Variants in DLC1 observed in about 807,000 individuals in gnomAD.
DLC1 encodes rho GTPase-activating protein 7.
Under a neutral mutation model 140.3 loss-of-function variants are expected in DLC1, and 54 were observed. The observed-to-expected ratio is 0.38, with a 90% CI of 0.31 to 0.48. The LOEUF (loss-of-function observed/expected upper bound fraction) is 0.48. DLC1 is among the 20% of genes least tolerant of loss of function. The pLI is 0.96. For missense variants in DLC1, 2,536 were observed against 1,907.0 expected (o/e 1.33, Z -6.14); for synonymous variants, 986 against 728.1 (o/e 1.35, Z -5.70).
chr8:13,102,572 A>G (rs151034801), intron 8 of DLC1, among the ~76,000 whole-genome samples: 91 of 152,346 alleles, frequency 6.0e-4, no homozygotes, highest in Middle Eastern at 6.8e-3. Context: ...TGATGTGATC[A>G]GGTCAAAAAC....
intron 4 of DLC1, among the ~76,000 whole-genome samples, chr8:13,359,995 T>C (rs900207222): frequency 2.0e-5 from 3 of 152,218 alleles, no homozygotes; most frequent in African/African-American, 7.2e-5. Context: ...ATCGACATTT[T>C]AAAAGTGAGT....
chr8:13,467,984 G>T (rs1214545834), intron 2 of DLC1, among the ~76,000 whole-genome samples: 1 of 152,002 alleles, frequency 6.6e-6, no homozygotes, highest in Non-Finnish European at 1.5e-5. Flanking sequence ...TTTGTTTTTT[G>T]CACCTATGTT....
At chr8:13,363,371 GT>G (rs57084358) in intron 4 of DLC1, among the ~76,000 whole-genome samples, 7,613 of 144,120 alleles carry the variant, frequency 0.053, 207 homozygotes, top group Non-Finnish European at 0.055. Context: ...CATTTGCAGT[GT>G]TTTTTTTTTT....
chr8:13,310,952 TTAA>T, intron 4 of DLC1, among the ~76,000 whole-genome samples: 1 of 152,340 alleles, frequency 6.6e-6, no homozygotes, highest in Admixed American at 6.5e-5. Flanking sequence ...AATTATTTAC[TTAA>T]TAATTTAATA....
chr8:13,545,727 C>T (rs187792331), intron 1 of DLC1, among the ~76,000 whole-genome samples: 1 of 151,866 alleles, frequency 6.6e-6, no homozygotes, highest in East Asian at 1.9e-4. Context: ...ACCATTTGTG[C>T]TAAGATAAAT....
rs546154871 is a variant in DLC1, at chr8:13,537,149, T to C, written c.-125-36953A>G. Among the ~76,000 whole-genome samples the C allele has an allele frequency of 9.2e-5, 14 of 152,294 alleles. No homozygotes were observed. The South Asian group carries it at 2.7e-3, about 29-fold the overall frequency. ...TTAAAAAAAAACCACTAGTCTGCTA[T>C]TATATTAGCAGAAATTCATGCTAGA... On this transcript the variant is annotated intron_variant, in intron 1 of 1. Transcript: ENST00000631382.
chr8:13,231,845 C>T (rs1017243188), intron 5 of DLC1, among the ~76,000 whole-genome samples: 2 of 152,192 alleles, frequency 1.3e-5, no homozygotes, highest in South Asian at 2.1e-4. Context: ...TTAGAACCAT[C>T]GTTTCTTGTA....
chr8:13,179,888 G>T (rs915191841), intron 5 of DLC1, among the ~76,000 whole-genome samples: 2 of 152,126 alleles, frequency 1.3e-5, no homozygotes, highest in Non-Finnish European at 2.9e-5. Flanking sequence ...AGGAGAGAAG[G>T]AATGAGGGAA....
intron 1 of DLC1, among the ~76,000 whole-genome samples, chr8:13,556,570 A>T (rs1341733683): frequency 2.0e-5 from 3 of 152,120 alleles, no homozygotes; most frequent in Admixed American, 1.3e-4. Flanking sequence ...CCTTTTCAAG[A>T]GATTCTGGGC....
intron 5 of DLC1, among the ~76,000 whole-genome samples, chr8:13,188,845 T>TATATATGTATATATATATATATATA (rs1826572626): frequency 4.3e-5 from 1 of 23,164 alleles, no homozygotes; most frequent in Non-Finnish European, 1.0e-4. Flanking sequence ...ATATATATAT[T>TATATATGTATATATATATATATATA]TTTTTTTTTT....
At chr8:13,132,557 C>A (rs565963595) in intron 5 of DLC1, among the ~76,000 whole-genome samples, 1 of 152,142 alleles carries the variant, frequency 6.6e-6, no homozygotes, top group African/African-American at 2.4e-5. Flanking sequence ...GCAGAGCAGT[C>A]CCCAGAGGAA....
intron 2 of DLC1, among the ~76,000 whole-genome samples, chr8:13,461,168 C>A (rs1354637611): frequency 6.6e-6 from 1 of 152,200 alleles, no homozygotes; most frequent in African/African-American, 2.4e-5. Context: ...TATGATGGTG[C>A]GAGTGCACCC....
At chr8:13,341,433 T>C (rs1364516967) in intron 4 of DLC1, 2 of 151,592 alleles carry the variant, frequency 1.3e-5, no homozygotes, top group Non-Finnish European at 2.9e-5. Flanking sequence ...AAAATGCAAG[T>C]TACTGGCCCC....
At chr8:13,224,074 C>T (rs1585949277) in intron 5 of DLC1, among the ~76,000 whole-genome samples, 1 of 152,156 alleles carries the variant, frequency 6.6e-6, no homozygotes, top group Non-Finnish European at 1.5e-5. Context: ...ATGATATCTA[C>T]ACACAAAAAC....
At chr8:13,386,567 C>T (rs116115282) in intron 4 of DLC1, among the ~76,000 whole-genome samples, 383 of 152,078 alleles carry the variant, frequency 2.5e-3, no homozygotes, top group African/African-American at 9.0e-3. Context: ...TGGAAACAGA[C>T]GTCAGTATCT....
intron 1 of DLC1, among the ~76,000 whole-genome samples, chr8:13,576,230 A>G (rs1174412443): frequency 1.3e-5 from 2 of 152,216 alleles, no homozygotes; most frequent in Non-Finnish European, 2.9e-5. Context: ...CATTCATTAA[A>G]TCCCAAGGGA....
chr8:13,496,425 T>G (rs974508348), intron 2 of DLC1, among the ~76,000 whole-genome samples: 2 of 152,182 alleles, frequency 1.3e-5, no homozygotes, highest in Non-Finnish European at 2.9e-5. Context: ...ATAAAGATTA[T>G]ATGGGGTAAA....
At chr8:13,234,777 T>C (rs1829206897) in intron 5 of DLC1, among the ~76,000 whole-genome samples, 1 of 152,126 alleles carries the variant, frequency 6.6e-6, no homozygotes, top group Non-Finnish European at 1.5e-5. Context: ...TCATGAATGC[T>C]GAAAAGTTAA....
At chr8:13,422,144 T>C (rs2117350326) in intron 2 of DLC1, among the ~76,000 whole-genome samples, 1 of 152,250 alleles carries the variant, frequency 6.6e-6, no homozygotes, top group East Asian at 1.9e-4. Flanking sequence ...GAGTTTGGGA[T>C]TCAGGATTCC....
Sources: allele counts gnomAD v4.1 joint callset (sites outside exome capture counted in the v4.1 genomes callset), GRCh38; gene constraint gnomAD v4.1.1; transcripts MANE v1.5; gene names NCBI Gene and HGNC (gene_info 2026-07-23, HGNC 2026-07-21).